POMT2: variants seen among roughly 807,000 people sequenced by gnomAD.
POMT2 encodes the protein protein O-mannosyltransferase 2.
Under a neutral mutation model 100.0 loss-of-function variants are expected in POMT2, and 75 were observed. That is an observed-to-expected ratio of 0.75 (90% CI 0.62 to 0.91). POMT2 has a LOEUF of 0.91. Among genes scored for constraint, POMT2 ranks in the 40% least tolerant of loss-of-function variants. The pLI, the probability that POMT2 is intolerant of heterozygous loss-of-function variation, is 0.00. For synonymous variants in POMT2, 378 were observed against 374.1 expected (o/e 1.01, Z -0.12); for missense variants, 940 against 955.1 (o/e 0.98, Z 0.21).
intron 12 of POMT2, among the ~76,000 whole-genome samples, chr14:77,286,269 T>G (rs533273176): frequency 5.3e-4 from 80 of 152,230 alleles, no homozygotes; most frequent in Non-Finnish European, 1.0e-3. Flanking sequence ...CTCATAGAGC[T>G]TTTATTTATT....
chr14:77,291,672 G>GA (rs1297199436), intron 9 of POMT2, among the ~76,000 whole-genome samples: 1 of 152,160 alleles, frequency 6.6e-6, no homozygotes, highest in East Asian at 1.9e-4. Context: ...CTTCTAGAGG[G>GA]AGGAACCATG....
intron 18 of POMT2, 160 bp downstream of exon 18, chr14:77,279,663 T>G: frequency 1.3e-6 from 1 of 748,308 alleles, no homozygotes; most frequent in Non-Finnish European, 2.3e-6. Flanking sequence ...AACACAGCAC[T>G]GGGTACTTGG....
At chr14:77,317,581 T>G (rs967931788) in intron 1 of POMT2, among the ~76,000 whole-genome samples, 1 of 152,222 alleles carries the variant, frequency 6.6e-6, no homozygotes, top group Non-Finnish European at 1.5e-5. Flanking sequence ...AGATTTTTGA[T>G]TCTATGTTTT....
At chr14:77,318,119 G>A (rs4899651) in intron 1 of POMT2, among the ~76,000 whole-genome samples, 35,207 of 152,010 alleles carry the variant, frequency 0.23, 4,311 homozygotes, top group South Asian at 0.32. Flanking sequence ...AAACAATCCT[G>A]GCATCTGGGG....
intron 1 of POMT2, among the ~76,000 whole-genome samples, chr14:77,317,435 T>C (rs1390128573): frequency 6.6e-6 from 1 of 152,220 alleles, no homozygotes; most frequent in East Asian, 1.9e-4. Flanking sequence ...CACTGGCATA[T>C]CTTTTTGTCG....
chr14:77,284,352 G>A (rs4899647), intron 14 of POMT2: 2,920 of 211,238 alleles, frequency 0.014, 140 homozygotes, highest in Admixed American at 0.098. Flanking sequence ...TTGATAAAGA[G>A]TTGTTGAATT....
In POMT2 at chr14:77,304,792, T is replaced by C. The variant is rs377323321; in HGVS notation, c.447A>G (p.Ala149=). The change falls in exon 4 of 21, where the codon GCA becomes GCG. Residue 149 remains alanine, a synonymous_variant. Coordinates refer to ENST00000261534, the MANE Select transcript of POMT2 (RefSeq NM_013382.7). ...HSYMGMRGFC[A]FLGSWLVPFA... is the part of the protein sequence containing the mutation. ...AGGGGACCAGCCAGGAGCCAAGGAA[T>C]GCACAGAACTGTGGGAGGAATAGAG... 3 of 1,589,598 alleles carry C rather than the reference T, an allele frequency of 1.9e-6. No individual in the cohort carries two copies. Among genetic ancestry groups the C allele is most frequent in the South Asian group, 1.2e-5 (1 of 86,770 alleles).
chr14:77,288,809 T>C lies in POMT2; in HGVS notation c.1206A>G (p.Pro402=), dbSNP rs142479943. 7.4e-6 allele frequency: 12 copies of C among 1,613,684 alleles called. No individual in the cohort carries two copies. Among genetic ancestry groups the C allele is most frequent in the Non-Finnish European group, 1.7e-6 (2 of 1,179,900 alleles). Residue 402 remains proline (P), a synonymous_variant, in exon 11 of 21, where the codon CCA becomes CCG. Coordinates refer to ENST00000261534, the MANE Select transcript of POMT2 (RefSeq NM_013382.7). Reference sequence around the variant, plus strand: ...TGTCTCCATGTCTTACAAACTCCACTGGGAAGGAAGGGTCTAGGGGATCTG... The same window carrying C: ...TGTCTCCATGTCTTACAAACTCCACCGGGAAGGAAGGGTCTAGGGGATCTG... ...TNSDPLDPSF[P]VEFVRHGDII...
intron 2 of POMT2, 162 bp from the exon 3 acceptor site, chr14:77,306,603 G>A (rs1347507746): frequency 4.2e-6 from 3 of 716,510 alleles, no homozygotes. Context: ...CTGCCACAGA[G>A]CAAAGAATCT....
rs1171389050 is a variant in POMT2 at position 77,276,574 on chromosome 14, G to C, written c.*802C>G. 6.6e-6 allele frequency: 1 copy of C among 152,318 alleles called. No individual in the cohort carries two copies. The highest frequency in any genetic ancestry group is 1.5e-5 in the Non-Finnish European group (1 of 68,098). 9.4% of individuals were successfully genotyped at this position (152,318 alleles called of 1,614,324 possible). A position where few individuals can be genotyped will look rare whatever the true frequency, so the allele number is the denominator to read the frequency against. ...GAGAGACCTGGCCTCTGGCACACAGGGCCTGGGAACACTGAGCAGCCCAGG... is the reference window on the plus strand; with the variant it reads ...GAGAGACCTGGCCTCTGGCACACAGCGCCTGGGAACACTGAGCAGCCCAGG... On this transcript the variant is annotated 3_prime_UTR_variant, in exon 21 of 21. Transcript: ENST00000261534.
At chr14:77,280,293 C>A in intron 16 of POMT2, 99 bp downstream of exon 16, 1 of 1,579,448 alleles carries the variant, frequency 6.3e-7, no homozygotes, top group Non-Finnish European at 8.6e-7. Flanking sequence ...GGAGGCCCCT[C>A]GCCCTGCCGC....
chr14:77,295,770 C>T (rs1256170506), intron 9 of POMT2, among the ~76,000 whole-genome samples: 1 of 152,082 alleles, frequency 6.6e-6, no homozygotes, highest in Non-Finnish European at 1.5e-5. Flanking sequence ...AAATACCACA[C>T]TTTATTCATC....
At position 77,311,977 on chromosome 14, in the gene POMT2, A is replaced by G; in HGVS notation, c.305T>C (p.Phe102Ser). Residue 102 changes from phenylalanine (F) to serine (S), a missense_variant, in exon 2 of 21, where the codon TTC becomes TCC. Transcript: ENST00000261534. ...MGSYYINRTFFFDVHPPLGKM... is the reference protein window; with the variant it reads ...MGSYYINRTFSFDVHPPLGKM... ...TCCCAGGGGCGGGTGCACATCAAAGAAAAATGTACGGTTGATATAGTAACT... is the reference window on the plus strand; with the variant it reads ...TCCCAGGGGCGGGTGCACATCAAAGGAAAATGTACGGTTGATATAGTAACT... 1 of 1,614,132 alleles carries G rather than the reference A, an allele frequency of 6.2e-7. No individual in the cohort carries two copies. The highest frequency in any genetic ancestry group is 8.5e-7 in the Non-Finnish European group (1 of 1,179,990).
Position 77,290,253 on chromosome 14 carries a change from G to C in POMT2, c.1183+1061C>G, listed in dbSNP as rs116512205. 5.8e-3 allele frequency among the ~76,000 whole-genome samples: 889 copies of C among 152,332 alleles called. 8 individuals carry two copies. Among genetic ancestry groups the C allele is most frequent in the African/African-American group, 0.02 (838 of 41,584 alleles). On this transcript the variant is annotated intron_variant, in intron 10 of 20. Coordinates refer to ENST00000261534, the MANE Select transcript of POMT2 (RefSeq NM_013382.7). ...AAGACTTGGTTCATGACCACATGAC[G>C]GAAGTAAAACTGGTCTTCCCTCGTA...
intron 1 of POMT2, among the ~76,000 whole-genome samples, chr14:77,317,527 A>C (rs1380948885): frequency 6.6e-6 from 1 of 152,218 alleles, no homozygotes; most frequent in African/African-American, 2.4e-5. Context: ...CACAGGCATG[A>C]CATTGTCAAG....
intron 13 of POMT2, chr14:77,285,278 A>G (rs1890379253): frequency 5.4e-6 from 4 of 746,406 alleles, no homozygotes; most frequent in African/African-American, 5.3e-5. Context: ...AAAATGTTGA[A>G]CTATCAGAAC....
intron 15 of POMT2, among the ~76,000 whole-genome samples, chr14:77,280,971 G>A (rs1433559895): frequency 6.6e-6 from 1 of 152,034 alleles, no homozygotes; most frequent in African/African-American, 2.4e-5. Flanking sequence ...GTGGGTGCCT[G>A]TAATCCCAGC....
chr14:77,320,626 C>T lies in POMT2; in HGVS notation c.56G>A (p.Gly19Asp), dbSNP rs755776459. 3.8e-6 allele frequency: 6 copies of T among 1,591,296 alleles called. No homozygotes were observed. In the South Asian group the frequency reaches 6.6e-5, roughly 18 times the overall value. The change falls in exon 1 of 21, where the codon GGC (glycine) becomes GAC (aspartate). Residue 19 changes from glycine to aspartate, a missense_variant. Physicochemically the swap from Gly to Asp is moderately conservative, Grantham distance 94 (BLOSUM62 -1). Transcript: ENST00000261534. ...LAESELRPRR[G>D]RCGPQAARAA... is the part of the protein sequence containing the mutation. ...CCTAGCAGCCTGGGGGCCACAGCGGCCCCTCCGGGGACGCAGCTCGGACTC... is the reference window on the plus strand; with the variant it reads ...CCTAGCAGCCTGGGGGCCACAGCGGTCCCTCCGGGGACGCAGCTCGGACTC...
chr14:77,319,028 G>A (rs148239853), intron 1 of POMT2, among the ~76,000 whole-genome samples: 49 of 152,278 alleles, frequency 3.2e-4, no homozygotes, highest in African/African-American at 1.0e-3. Context: ...GAGCCACTGC[G>A]CCCAGCCTGG....
Sources: gnomAD v4.1 joint callset for allele counts (sites outside exome capture counted in the v4.1 genomes callset) on GRCh38, gnomAD v4.1.1 for gene constraint, MANE v1.5 for transcripts, NCBI Gene and HGNC (gene_info 2026-07-23, HGNC 2026-07-21) for gene names.